PDE4A: variants seen among roughly 807,000 people sequenced by gnomAD.
PDE4A encodes phosphodiesterase 4A, also known as 3',5'-cyclic-AMP phosphodiesterase 4A.
Under a neutral mutation model 73.9 loss-of-function variants are expected in PDE4A, and 21 were observed. The ratio of observed to expected loss-of-function variants is 0.28; its 90% CI spans 0.20 to 0.41. The LOEUF (loss-of-function observed/expected upper bound fraction) is 0.41, where lower values mean the gene tolerates loss of function less well. Among genes scored for constraint, PDE4A ranks in the 10% least tolerant of loss-of-function variants. PDE4A has a pLI of 1.00. For missense variants in PDE4A, 958 were observed against 1,211.4 expected, an observed-to-expected ratio of 0.79 and a Z score of 3.10; for synonymous variants, 463 against 505.4, an observed-to-expected ratio of 0.92 and a Z score of 1.13.
chr19:10,456,573 C>T (rs961662970), intron 7 of PDE4A, among the ~76,000 whole-genome samples: 7 of 151,450 alleles, frequency 4.6e-5, no homozygotes, highest in African/African-American at 1.2e-4. Flanking sequence ...AAAAACTAGT[C>T]GGGCATGGTG....
intron 1 of PDE4A, among the ~76,000 whole-genome samples, chr19:10,426,881 G>C (rs28398169): frequency 6.6e-6 from 1 of 150,600 alleles, no homozygotes; most frequent in Admixed American, 6.6e-5. Flanking sequence ...AAAAAAAAAA[G>C]AAATAGCAAG....
chr19:10,421,120 TGGGCGCGC>T, intron 1 of PDE4A, 36 bp downstream of exon 1: 1 of 1,349,264 alleles, frequency 7.4e-7, no homozygotes, highest in Non-Finnish European at 9.5e-7. Flanking sequence ...GCGGAACGGA[TGGGCGCGC>T]AGGGAGGAGG....
chr19:10,448,334 GA>G (rs1457017933), intron 2 of PDE4A, among the ~76,000 whole-genome samples: 1 of 151,328 alleles, frequency 6.6e-6, no homozygotes, highest in Non-Finnish European at 1.5e-5. Flanking sequence ...CTCTTTAAAA[GA>G]AAAAATAAAT....
chr19:10,448,823 C>A, intron 2 of PDE4A, 94 bp from the exon 3 acceptor site: 1 of 1,586,356 alleles, frequency 6.3e-7, no homozygotes. Context: ...CCCCTCCCTC[C>A]CTCTCAGCCT....
chr19:10,432,308 G>C (rs912621337), intron 1 of PDE4A: 180 of 1,217,360 alleles, frequency 1.5e-4, no homozygotes, highest in Non-Finnish European at 1.8e-4. Context: ...TCCCTGGGGG[G>C]GTCACCAGAG....
chr19:10,445,545 A>G (rs2042991441), intron 1 of PDE4A, among the ~76,000 whole-genome samples: 1 of 152,056 alleles, frequency 6.6e-6, no homozygotes, highest in Non-Finnish European at 1.5e-5. Context: ...AAGAGGGAGG[A>G]TCACATGAGG....
chr19:10,427,639 T>G, intron 1 of PDE4A: 3 of 984,252 alleles, frequency 3.0e-6, no homozygotes, highest in Non-Finnish European at 3.6e-6. Context: ...TTCCTGTCTC[T>G]GAAGCCAGAC....
upstream of PDE4A, chr19:10,417,847 C>T (rs2042603391): frequency 2.6e-6 from 4 of 1,558,408 alleles, no homozygotes; most frequent in Non-Finnish European, 3.4e-6. Flanking sequence ...ATTTCCATCA[C>T]CAGGGCCGAG....
intron 14 of PDE4A, 93 bp from the exon 15 acceptor site, chr19:10,466,794 C>G: frequency 1.3e-6 from 2 of 1,522,572 alleles, no homozygotes; most frequent in Non-Finnish European, 1.8e-6. Context: ...ATGCCCGGCC[C>G]ATAAGCATGT....
chr19:10,455,537 G>A (rs2043157318), intron 7 of PDE4A, among the ~76,000 whole-genome samples: 1 of 152,056 alleles, frequency 6.6e-6, no homozygotes, highest in South Asian at 2.1e-4. Flanking sequence ...GGGAGGCTGA[G>A]GCAAGAGAAT....
At chr19:10,446,446 G>T (rs757816604) in intron 2 of PDE4A, 37 bp downstream of exon 2, 1 of 1,584,152 alleles carries the variant, frequency 6.3e-7, no homozygotes. Flanking sequence ...GTTCCCCCAG[G>T]CCTGGTCCTG....
In PDE4A at chr19:10,449,124, G is replaced by A. The variant is rs771013081; in HGVS notation, c.594G>A (p.Leu198=). 6.2e-7 allele frequency: 1 copy of A among 1,613,712 alleles called. No homozygotes were observed. The change falls in exon 4 of 15, where the codon CTG becomes CTA. Residue 198 remains leucine, a synonymous_variant. Coordinates refer to ENST00000380702, the MANE Select transcript of PDE4A (RefSeq NM_001111307.2). ...GCGTCCGTAGCAACTTCTCACTCCTGACCAATGTGCCCGTTCCCAGTAACA... is the reference window on the plus strand; with the variant it reads ...GCGTCCGTAGCAACTTCTCACTCCTAACCAATGTGCCCGTTCCCAGTAACA... The part of the protein sequence containing the change: ...LRSVRSNFSL[L]TNVPVPSNKR...
At position 10,459,636 on chromosome 19, in the gene PDE4A, G is replaced by C. The variant is rs201979291; in HGVS notation, c.1242G>C (p.Thr414=). The C allele has an allele frequency of 6.2e-7, 1 of 1,614,220 alleles. No homozygotes were observed. Among genetic ancestry groups the C allele is most frequent in the Admixed American group, 1.7e-5 (1 of 60,028 alleles). Residue 414 remains threonine (T), a synonymous_variant, in exon 10 of 15, where the codon ACG becomes ACC. Transcript: ENST00000380702. ...AGAAATTCCGCATCCCTGTGGACAC[G>C]ATGGTGACATACATGCTGACGCTGG... ...LLKKFRIPVD[T]MVTYMLTLED...
chr19:10,428,357 CGAGAGAGAGAGAGA>C (rs56177515), intron 1 of PDE4A, among the ~76,000 whole-genome samples: 97 of 137,390 alleles, frequency 7.1e-4, no homozygotes, highest in African/African-American at 2.3e-3. Flanking sequence ...GATCCTGTCT[CGAGAGAGAGAGAGA>C]GAGAGAGAGA....
At chr19:10,457,797 CGTG>C in intron 7 of PDE4A, 79 bp from the exon 8 acceptor site, 1 of 1,568,180 alleles carries the variant, frequency 6.4e-7, no homozygotes. Context: ...CTTCCCCGTA[CGTG>C]GTAGTGGGCT....
At chr19:10,432,669 C>A in intron 1 of PDE4A, 1 of 1,197,056 alleles carries the variant, frequency 8.4e-7, no homozygotes, top group Non-Finnish European at 1.1e-6. Context: ...GGTGAGTCCC[C>A]TAAGTGGCTT....
intron 10 of PDE4A, 68 bp from the exon 11 acceptor site, chr19:10,460,936 C>A: frequency 6.6e-7 from 1 of 1,511,124 alleles, no homozygotes; most frequent in Non-Finnish European, 8.9e-7. Flanking sequence ...GTAGGTGAGA[C>A]AAACAGGTGC....
At chr19:10,452,698 G>A (rs188036403) in intron 6 of PDE4A, among the ~76,000 whole-genome samples, 19 of 152,236 alleles carry the variant, frequency 1.2e-4, no homozygotes, top group Middle Eastern at 3.4e-3. Flanking sequence ...GTGCCTGGAT[G>A]TGTGTGGGTG....
chr19:10,460,274 G>A (rs2043241453), intron 10 of PDE4A, among the ~76,000 whole-genome samples: 1 of 152,002 alleles, frequency 6.6e-6, no homozygotes, highest in African/African-American at 2.4e-5. Flanking sequence ...CAAGATGGGT[G>A]GATCACCTGA....
Sources: gnomAD v4.1 joint callset for allele counts (sites outside exome capture counted in the v4.1 genomes callset) on GRCh38, gnomAD v4.1.1 for gene constraint, MANE v1.5 for transcripts, NCBI Gene and HGNC (gene_info 2026-07-23, HGNC 2026-07-21) for gene names.